GSDME: variants seen among roughly 807,000 people sequenced by gnomAD.
GSDME encodes the protein gasdermin-E.
GSDME carries 44 observed loss-of-function variants against 47.5 expected under a neutral mutation model. The ratio of observed to expected loss-of-function variants is 0.93; its 90% CI spans 0.73 to 1.19. The LOEUF (loss-of-function observed/expected upper bound fraction) is 1.19, where lower values mean the gene tolerates loss of function less well. GSDME is among the 50% of genes most tolerant of loss of function. The probability of loss-of-function intolerance (pLI) is 0.00; values close to 1 mark genes in which losing one functional copy is unlikely to be tolerated. For missense variants in GSDME, 663 were observed against 604.2 expected, an observed-to-expected ratio of 1.10 and a Z score of -1.02; for synonymous variants, 258 against 252.8, an observed-to-expected ratio of 1.02 and a Z score of -0.20.
At chr7:24,794,962 C>A in the GSDME span, among the ~76,000 whole-genome samples, 1 of 152,266 alleles carries the variant, frequency 6.6e-6, no homozygotes, top group African/African-American at 2.4e-5. Flanking sequence ...ATACCGAAAT[C>A]TAAACCAAAA....
the GSDME span, among the ~76,000 whole-genome samples, chr7:24,766,003 A>G: frequency 0.13 from 20,060 of 152,198 alleles, 1,429 homozygotes; most frequent in East Asian, 0.2. The surrounding 1 kb of genome is among the most constrained non-coding windows in gnomAD (Gnocchi z 4.2). Flanking sequence ...TGGGGAAGAC[A>G]TCAAACATTT....
chr7:24,722,512 C>T (rs1449732069), intron 3 of GSDME, among the ~76,000 whole-genome samples: 7 of 152,146 alleles, frequency 4.6e-5, no homozygotes, highest in Non-Finnish European at 8.8e-5. Context: ...CTGTCTGTGC[C>T]CTCACAACTA....
chr7:24,794,109 G>A, the GSDME span, among the ~76,000 whole-genome samples: 1 of 151,336 alleles, frequency 6.6e-6, no homozygotes, highest in Non-Finnish European at 1.5e-5. Context: ...AAGGAATAGT[G>A]TACACTGTTT....
chr7:24,707,506 G>A (rs1027874732), intron 7 of GSDME: 60 of 457,522 alleles, frequency 1.3e-4, no homozygotes, highest in South Asian at 7.3e-4. Flanking sequence ...TCCACCACAC[G>A]ACCCCCTTGC....
intron 3 of GSDME, among the ~76,000 whole-genome samples, chr7:24,731,439 G>C (rs74336604): frequency 6.6e-6 from 1 of 152,226 alleles, no homozygotes; most frequent in Non-Finnish European, 1.5e-5. Flanking sequence ...GACCACGCAG[G>C]TGCCTACCTC....
At chr7:24,784,752 AT>A in the GSDME span, among the ~76,000 whole-genome samples, 1 of 149,852 alleles carries the variant, frequency 6.7e-6, no homozygotes, top group Non-Finnish European at 1.5e-5. Context: ...TAGAGATGGC[AT>A]TTCACCATGC....
Position 24,738,315 on chromosome 7 carries a change from T to C in GSDME, c.404+6247A>G, listed in dbSNP as rs181930525. On this transcript the variant is annotated intron_variant, in intron 3 of 9. Transcript: ENST00000645220. ...AATCAACATACAAAAATCAGTAGCA[T>C]GTCTATAGGGCAACAGAGAACAATC... Among the ~76,000 whole-genome samples the C allele has an allele frequency of 4.6e-5, 7 of 152,210 alleles. No individual in the cohort carries two copies. In the East Asian group the frequency reaches 1.4e-3, roughly 29 times the overall value.
At chr7:24,711,599 T>C (rs1293992374) in intron 5 of GSDME, among the ~76,000 whole-genome samples, 4 of 152,034 alleles carry the variant, frequency 2.6e-5, no homozygotes, top group African/African-American at 7.2e-5. Context: ...GGCAGGCAGA[T>C]TGCTTGAGCC....
At chr7:24,760,635 A>G (rs927142606), upstream of GSDME, among the ~76,000 whole-genome samples, 11 of 152,218 alleles carry the variant, frequency 7.2e-5, no homozygotes, top group African/African-American at 2.7e-4. This position sits in a 1 kb window ranked among gnomAD's most constrained non-coding sequence, Gnocchi z 4.2. Context: ...ACATATGCAT[A>G]ATTTTGCCTT....
At chr7:24,749,894 T>A in intron 1 of GSDME, 101 bp from the exon 2 acceptor site, 1 of 735,814 alleles carries the variant, frequency 1.4e-6, no homozygotes, top group Non-Finnish European at 2.3e-6. Flanking sequence ...ACAGTTCACA[T>A]GAAAGAATAT....
In GSDME at chr7:24,747,634, A is replaced by C. The variant is rs184121978; in HGVS notation, c.211+1930T>G. Among the ~76,000 whole-genome samples the C allele has an allele frequency of 3.9e-5, 6 of 152,312 alleles. No individual in the cohort carries two copies. In the East Asian group the frequency reaches 1.2e-3, roughly 29 times the overall value. Reference sequence around the variant, plus strand: ...GCCTAAAAAACTACAACAAAAATGCACATAAAAATGCTCATTGCAGCCTTA... The same window carrying C: ...GCCTAAAAAACTACAACAAAAATGCCCATAAAAATGCTCATTGCAGCCTTA... On this transcript the variant is annotated intron_variant, in intron 2 of 9. Coordinates refer to ENST00000645220, the MANE Select transcript of GSDME (RefSeq NM_001127453.2).
At chr7:24,750,227 C>T (rs553042440) in intron 1 of GSDME, among the ~76,000 whole-genome samples, 2 of 152,206 alleles carry the variant, frequency 1.3e-5, no homozygotes, top group East Asian at 1.9e-4. Flanking sequence ...ATGATCTGGC[C>T]CCAAAGTGAC....
At chr7:24,753,651 T>C (rs182072919) in intron 1 of GSDME, among the ~76,000 whole-genome samples, 12 of 150,886 alleles carry the variant, frequency 8.0e-5, no homozygotes, top group African/African-American at 2.9e-4. Flanking sequence ...CATTAGACTT[T>C]TGGATTTTTG....
Position 24,706,373 on chromosome 7 carries a change from C to G in GSDME, c.994G>C (p.Asp332His). Residue 332 changes from aspartate to histidine, a missense_variant, in exon 8 of 10, where the codon GAT (aspartate) becomes CAT (histidine). Asp to His is a moderately conservative substitution (Grantham distance 81). Transcript: ENST00000645220. ...GGCGAGAGGCCGCTGACCAGGTCAT[C>G]GCACTGTAGGGCAGGGAAGAAGAAG... ...ELLMVLEPVC[D>H]DLVSGLSPTV... The G allele has an allele frequency of 6.2e-7, 1 of 1,612,376 alleles. No homozygotes were observed.
intron 5 of GSDME, among the ~76,000 whole-genome samples, chr7:24,713,880 C>T (rs1340763617): frequency 2.0e-5 from 3 of 152,132 alleles, no homozygotes; most frequent in Non-Finnish European, 4.4e-5. Flanking sequence ...CTGCTTGAGC[C>T]CAGAGTTCAA....
chr7:24,737,197 A>T (rs1193703766), intron 3 of GSDME, among the ~76,000 whole-genome samples: 2 of 152,078 alleles, frequency 1.3e-5, no homozygotes, highest in Non-Finnish European at 2.9e-5. Flanking sequence ...AATACAAAAG[A>T]TTAATGAAAC....
At chr7:24,704,773 A>G (rs1257451643) in intron 8 of GSDME, 1 of 151,538 alleles carries the variant, frequency 6.6e-6, no homozygotes, top group Non-Finnish European at 1.5e-5. Context: ...AGTTCACTGC[A>G]TCCTTGAATT....
chr7:24,734,518 T>G (rs1403425871), intron 3 of GSDME, among the ~76,000 whole-genome samples: 1 of 152,218 alleles, frequency 6.6e-6, no homozygotes, highest in East Asian at 1.9e-4. Flanking sequence ...AAAATAGCTG[T>G]TTTGAGGAAA....
At chr7:24,715,129 G>A (rs1789500212) in intron 5 of GSDME, among the ~76,000 whole-genome samples, 1 of 152,192 alleles carries the variant, frequency 6.6e-6, no homozygotes, top group South Asian at 2.1e-4. Flanking sequence ...CATATCACAT[G>A]GTCTTCCTTA....
Sources: allele counts gnomAD v4.1 joint callset (sites outside exome capture counted in the v4.1 genomes callset), GRCh38; gene constraint gnomAD v4.1.1; non-coding constraint Gnocchi (gnomAD v3.1); transcripts MANE v1.5; gene names NCBI Gene and HGNC (gene_info 2026-07-23, HGNC 2026-07-21).